The following TRPV3 variants were observed in gnomAD, a reference collection of about 807,000 sequenced individuals.
TRPV3 encodes the protein transient receptor potential cation channel subfamily V member 3.
TRPV3 carries 88 observed loss-of-function variants against 87.1 expected under a neutral mutation model. The ratio of observed to expected loss-of-function variants is 1.01; its 90% CI spans 0.85 to 1.21. The LOEUF is 1.21. TRPV3 is among the 50% of genes most tolerant of loss of function. The probability of loss-of-function intolerance (pLI) is 0.00; values close to 1 mark genes in which losing one functional copy is unlikely to be tolerated. For missense variants in TRPV3, 1,054 were observed against 1,030.1 expected (o/e 1.02, Z -0.32); for synonymous variants, 438 against 423.3 (o/e 1.03, Z -0.43).
intron 14 of TRPV3, 39 bp downstream of exon 14, chr17:3,520,934 T>C (rs1241269666): frequency 1.4e-6 from 2 of 1,413,274 alleles, no homozygotes; most frequent in Middle Eastern, 1.8e-4. Flanking sequence ...ATAAAGTGTT[T>C]ATAAATGTGG....
intron 7 of TRPV3, among the ~76,000 whole-genome samples, chr17:3,533,517 T>TTG (rs2074370570): frequency 6.6e-6 from 1 of 151,402 alleles, no homozygotes; most frequent in African/African-American, 2.4e-5. Context: ...TTTTTTTTTT[T>TTG]GAGATGGAGT....
intron 7 of TRPV3, 125 bp downstream of exon 7, chr17:3,535,448 T>A: frequency 7.9e-5 from 34 of 428,954 alleles, no homozygotes; most frequent in Middle Eastern, 7.2e-4. Context: ...CCCTCCTCAC[T>A]TCCTTCCTCC....
chr17:3,533,591 C>T (rs1351607283), intron 7 of TRPV3, among the ~76,000 whole-genome samples: 1 of 151,880 alleles, frequency 6.6e-6, no homozygotes, highest in Non-Finnish European at 1.5e-5. Context: ...CTCTGCCTCC[C>T]GGGTTCAAGC....
chr17:3,532,848 G>A lies in TRPV3; in HGVS notation c.874C>T (p.Arg292Trp), dbSNP rs147669174. The A allele has an allele frequency of 6.8e-5, 110 of 1,614,092 alleles. No individual in the cohort carries two copies. The South Asian group carries it at 8.2e-4, about 12-fold the overall frequency. The change falls in exon 8 of 18, where the codon CGG becomes TGG. Residue 292 changes from arginine (R) to tryptophan (W), a missense_variant. Physicochemically the swap from Arg to Trp is moderately radical, Grantham distance 101 (BLOSUM62 -3). Transcript: ENST00000576742. The stretch of plus-strand genomic sequence containing the variant: ...AGGATGTTGTTGCCTCGTGAGTCCC[G>A]CGAGGTGATGTCCGTCTGCTCGTGC... ...MEHEQTDITS[R>W]DSRGNNILHA...
chr17:3,526,964 C>G (rs1362688138), intron 11 of TRPV3, 37 bp from the exon 12 acceptor site: 2 of 1,563,618 alleles, frequency 1.3e-6, no homozygotes, highest in Admixed American at 3.6e-5. Context: ...GCACCCTCTT[C>G]ATGGCCCTCA....
intron 2 of TRPV3, among the ~76,000 whole-genome samples, chr17:3,545,731 C>G (rs529091329): frequency 6.6e-6 from 1 of 151,346 alleles, no homozygotes; most frequent in South Asian, 2.1e-4. Flanking sequence ...ATTATCCCAG[C>G]ACCCTGGGAG....
In TRPV3 at chr17:3,518,505, A is replaced by C; in HGVS notation, c.2085+71T>G. 6.8e-7 allele frequency: 1 copy of C among 1,479,270 alleles called. No homozygotes were observed. The highest frequency in any genetic ancestry group is 2.2e-5 in the Admixed American group (1 of 44,680). The allele number at this position is 1,479,270 out of a possible 1,614,324, so 91.6% of individuals were successfully genotyped here. ...CCACCTCAGACCCACTGGTGCTGAC[A>C]GTAGTCAATGACCACGTGCTGAACT... On this transcript the variant is annotated intron_variant, in intron 15 of 17. Transcript: ENST00000576742. This position sits in a 1 kb window ranked among gnomAD's most constrained non-coding sequence, Gnocchi z 4.3.
intron 7 of TRPV3, among the ~76,000 whole-genome samples, chr17:3,535,327 CT>C: frequency 9.4e-6 from 1 of 106,458 alleles, no homozygotes; most frequent in Non-Finnish European, 2.2e-5. Flanking sequence ...TCCCTCCTCC[CT>C]TCCTTCCTCT....
chr17:3,556,313 G>T lies in TRPV3; in HGVS notation c.-3+1363C>A, dbSNP rs577922982. 3.3e-5 allele frequency among the ~76,000 whole-genome samples: 5 copies of T among 152,162 alleles called. No individual in the cohort carries two copies. Among genetic ancestry groups the T allele is most frequent in the East Asian group, 1.9e-4 (1 of 5,178 alleles). ...GAGAGCGCGGGCTGCGTTGGGGGGT[G>T]GGGGAGACCAGAAGCCAGGGGCCAG... On this transcript the variant is annotated intron_variant, in intron 1 of 17. Transcript: ENST00000576742. This position sits in a 1 kb window ranked among gnomAD's most constrained non-coding sequence, Gnocchi z 4.2.
At chr17:3,548,767 C>G (rs1461979487) in intron 2 of TRPV3, among the ~76,000 whole-genome samples, 2 of 152,214 alleles carry the variant, frequency 1.3e-5, no homozygotes, top group Non-Finnish European at 2.9e-5. Flanking sequence ...AAACCCTTGC[C>G]TGGGAACCTA....
chr17:3,541,943 C>T (rs1186950776), intron 6 of TRPV3, among the ~76,000 whole-genome samples: 1 of 151,992 alleles, frequency 6.6e-6, no homozygotes, highest in African/African-American at 2.4e-5. Context: ...TTCTTTGTTT[C>T]TTTTTCTTTC....
chr17:3,550,980 G>A (rs967723243), intron 2 of TRPV3, among the ~76,000 whole-genome samples: 4 of 152,212 alleles, frequency 2.6e-5, no homozygotes, highest in African/African-American at 9.6e-5. Context: ...CAATGACCAT[G>A]TCAACCTCTT....
At chr17:3,539,299 A>T (rs2074437048) in intron 6 of TRPV3, among the ~76,000 whole-genome samples, 1 of 147,620 alleles carries the variant, frequency 6.8e-6, no homozygotes, top group African/African-American at 2.5e-5. Flanking sequence ...AAAGGACTTA[A>T]AAAAAAAAAA....
At chr17:3,525,236 T>C (rs1443493220) in intron 12 of TRPV3, among the ~76,000 whole-genome samples, 2 of 152,176 alleles carry the variant, frequency 1.3e-5, no homozygotes, top group Non-Finnish European at 2.9e-5. Context: ...GCCAGGCTGG[T>C]CTCGAACTTC....
intron 3 of TRPV3, among the ~76,000 whole-genome samples, chr17:3,544,899 A>G (rs970888749): frequency 5.3e-5 from 8 of 152,206 alleles, no homozygotes; most frequent in Non-Finnish European, 8.8e-5. Context: ...CTGTAATCCC[A>G]GCTACTTGGG....
Position 3,544,682 on chromosome 17 carries a change from G to T in TRPV3, c.225-17C>A. ...CCAGAGATGCTGGAGGTGTTGGCAG[G>T]GGGAACAGAGAGGGTTTTAAAGTTT... is the stretch of plus-strand genomic sequence containing the variant. On this transcript the variant is annotated splice_polypyrimidine_tract_variant and intron_variant, in intron 3 of 17. Coordinates refer to ENST00000576742, the MANE Select transcript of TRPV3 (RefSeq NM_145068.4). 6.3e-7 allele frequency: 1 copy of T among 1,590,394 alleles called. No individual in the cohort carries two copies. The highest frequency in any genetic ancestry group is 1.1e-5 in the South Asian group (1 of 89,728).
At chr17:3,551,504 T>C (rs1487379414) in intron 2 of TRPV3, among the ~76,000 whole-genome samples, 1 of 152,192 alleles carries the variant, frequency 6.6e-6, no homozygotes, top group Non-Finnish European at 1.5e-5. Flanking sequence ...GATAGCTCTA[T>C]ACCATTTCTA....
chr17:3,544,694 G>C, intron 3 of TRPV3, 29 bp from the exon 4 acceptor site: 1 of 1,559,614 alleles, frequency 6.4e-7, no homozygotes, highest in Non-Finnish European at 8.8e-7. Context: ...GGAACAGAGA[G>C]GGTTTTAAAG....
intron 2 of TRPV3, among the ~76,000 whole-genome samples, chr17:3,549,024 T>C (rs1699138): frequency 0.71 from 107,891 of 152,034 alleles, 38,570 homozygotes; most frequent in Middle Eastern, 0.78. Flanking sequence ...CCAGAACTTT[T>C]GCCCTAAAGT....
Sources: allele counts gnomAD v4.1 joint callset (sites outside exome capture counted in the v4.1 genomes callset), GRCh38; gene constraint gnomAD v4.1.1; non-coding constraint Gnocchi (gnomAD v3.1); transcripts MANE v1.5; gene names NCBI Gene and HGNC (gene_info 2026-07-23, HGNC 2026-07-21).